The following RAB11FIP4 variants were observed in gnomAD, a reference collection of about 807,000 sequenced individuals.
RAB11FIP4 encodes rab11 family-interacting protein 4.
A neutral mutation model predicts 74.3 loss-of-function variants in RAB11FIP4; 23 were observed. The ratio of observed to expected loss-of-function variants is 0.31; its 90% CI spans 0.22 to 0.44. The LOEUF (loss-of-function observed/expected upper bound fraction) is 0.44, where lower values mean the gene tolerates loss of function less well. Among genes scored for constraint, RAB11FIP4 ranks in the 20% least tolerant of loss-of-function variants. RAB11FIP4 has a pLI of 1.00. For missense variants in RAB11FIP4, 630 were observed against 863.9 expected, an observed-to-expected ratio of 0.73 and a Z score of 3.39; for synonymous variants, 360 against 359.9, an observed-to-expected ratio of 1.00 and a Z score of 0.00.
intron 3 of RAB11FIP4, among the ~76,000 whole-genome samples, chr17:31,477,702 G>A (rs1240303450): frequency 6.6e-6 from 1 of 152,206 alleles, no homozygotes; most frequent in Non-Finnish European, 1.5e-5. Context: ...GTTCTATGAT[G>A]GTTACTTTGG....
At chr17:31,403,312 ATTTC>A (rs1232829130) in intron 1 of RAB11FIP4, among the ~76,000 whole-genome samples, 6 of 150,712 alleles carry the variant, frequency 4.0e-5, no homozygotes, top group East Asian at 2.0e-4. Context: ...CTGCCTTTGT[ATTTC>A]TTTCTTTCTT....
At chr17:31,528,057 TATTTCTGA>T (rs2072799097) in intron 11 of RAB11FIP4, 134 bp downstream of exon 11, 3 of 706,824 alleles carry the variant, frequency 4.2e-6, no homozygotes, top group South Asian at 4.0e-5. Context: ...TGTGTTTCTG[TATTTCTGA>T]TTTTCCAAGT....
intron 1 of RAB11FIP4, among the ~76,000 whole-genome samples, chr17:31,427,402 G>C (rs1490205910): frequency 6.6e-6 from 1 of 152,192 alleles, no homozygotes; most frequent in South Asian, 2.1e-4. Context: ...GGACCATGCA[G>C]TGGCCCTCAG....
At chr17:31,488,296 C>A in intron 3 of RAB11FIP4, 1 of 1,173,722 alleles carries the variant, frequency 8.5e-7, no homozygotes, top group East Asian at 3.8e-5. Flanking sequence ...CCGGGGCTGG[C>A]GCTCGCAGGG....
chr17:31,481,179 G>C (rs774326563), intron 3 of RAB11FIP4, among the ~76,000 whole-genome samples: 10 of 152,210 alleles, frequency 6.6e-5, no homozygotes, highest in Non-Finnish European at 1.0e-4. Context: ...ACTGTTGTCA[G>C]CAAGCCTTTA....
intron 3 of RAB11FIP4, among the ~76,000 whole-genome samples, 154 bp downstream of exon 3, chr17:31,434,276 G>A (rs1387110420): frequency 1.3e-5 from 2 of 152,090 alleles, no homozygotes; most frequent in African/African-American, 2.4e-5. Context: ...TGGAACAGGA[G>A]CCCTGAGTCC....
chr17:31,467,108 C>CTTTTA (rs1341201970), intron 3 of RAB11FIP4, among the ~76,000 whole-genome samples: 1 of 151,442 alleles, frequency 6.6e-6, no homozygotes, highest in Non-Finnish European at 1.5e-5. Context: ...TCTTTCTTTT[C>CTTTTA]TTTTCTTTTC....
At chr17:31,471,884 C>T (rs1324039501) in intron 3 of RAB11FIP4, among the ~76,000 whole-genome samples, 1 of 151,946 alleles carries the variant, frequency 6.6e-6, no homozygotes, top group Non-Finnish European at 1.5e-5. Context: ...GTCACGGGGC[C>T]GGGCGCAGTG....
intron 3 of RAB11FIP4, among the ~76,000 whole-genome samples, chr17:31,516,907 A>G (rs2072562681): frequency 6.6e-6 from 1 of 152,040 alleles, no homozygotes; most frequent in Admixed American, 6.6e-5. Context: ...ACCCTATGTA[A>G]ATGAAGTAGT....
chr17:31,445,824 C>T (rs889172202), intron 3 of RAB11FIP4, among the ~76,000 whole-genome samples: 6 of 150,888 alleles, frequency 4.0e-5, no homozygotes, highest in African/African-American at 9.7e-5. Context: ...CTCCTGACCT[C>T]GTGATCCACC....
In RAB11FIP4 at chr17:31,440,494, T is replaced by G. The variant is rs185184317; in HGVS notation, c.336+6372T>G. On this transcript the variant is annotated intron_variant, in intron 3 of 14. Transcript: ENST00000621161. ...TGTTTCTTTAACCTTTAAGGCCAGG[T>G]GCGGTGGCTCATGCCTGTAATCCCA... is the stretch of plus-strand genomic sequence containing the variant. Among the ~76,000 whole-genome samples the G allele has an allele frequency of 3.7e-3, 561 of 152,302 alleles. 4 individuals carry two copies. The highest frequency in any genetic ancestry group is 0.013 in the African/African-American group (532 of 41,574).
chr17:31,413,389 G>C (rs1050469970), intron 1 of RAB11FIP4, among the ~76,000 whole-genome samples: 4 of 152,098 alleles, frequency 2.6e-5, no homozygotes, highest in African/African-American at 9.7e-5. Context: ...TGTCAACAGA[G>C]GGCCTCACAC....
rs571365900 is a variant in RAB11FIP4, at chr17:31,514,786, C to T, written c.337-2865C>T. ...CTGCCTTGTTTCTCTTAGGTGTCCC[C>T]GCACTAACCTGCAGTGTCCTGTGAG... On this transcript the variant is annotated intron_variant, in intron 3 of 14. Coordinates refer to ENST00000621161, the MANE Select transcript of RAB11FIP4 (RefSeq NM_032932.6). Among the ~76,000 whole-genome samples the T allele has an allele frequency of 4.6e-5, 7 of 152,336 alleles. No individual in the cohort carries two copies. The South Asian group carries it at 8.3e-4, about 18-fold the overall frequency.
chr17:31,528,262 A>G (rs1365645892), intron 11 of RAB11FIP4, 144 bp from the exon 12 acceptor site: 1 of 955,980 alleles, frequency 1.0e-6, no homozygotes, highest in Non-Finnish European at 1.5e-6. Context: ...TCTGTAAGCC[A>G]AGACTCAGGG....
chr17:31,486,170 G>GT (rs2142743710), intron 3 of RAB11FIP4, among the ~76,000 whole-genome samples: 1 of 152,194 alleles, frequency 6.6e-6, no homozygotes, highest in South Asian at 2.1e-4. Context: ...GGAGGCGGAG[G>GT]TTGCAGTGAG....
chr17:31,457,706 C>T (rs556085610), intron 3 of RAB11FIP4, among the ~76,000 whole-genome samples: 17 of 151,974 alleles, frequency 1.1e-4, no homozygotes, highest in African/African-American at 2.9e-4. Context: ...CCCCCAGCCC[C>T]GCAGGTGGCC....
In RAB11FIP4 at chr17:31,391,875, C is replaced by A. The variant is rs2151610196; in HGVS notation, c.23C>A (p.Ser8Ter). The change falls in exon 1 of 15, where the codon TCG becomes TAG. Residue 8 changes from serine to a stop codon, truncating the protein, a stop_gained. Coordinates refer to ENST00000621161, the MANE Select transcript of RAB11FIP4 (RefSeq NM_032932.6). LOFTEE classifies it high-confidence loss of function. ...CGGATGGCGGGCGGCGCGGGCTGGT[C>A]GGGCGCCCCCGCGGCTCTGCTGCGC... MAGGAGW[S>*]GAPAALLRSV... The A allele has an allele frequency of 2.5e-6, 3 of 1,178,748 alleles. No individual in the cohort carries two copies. Among genetic ancestry groups the A allele is most frequent in the South Asian group, 7.9e-5 (2 of 25,328 alleles). 73.0% of individuals were successfully genotyped at this position (1,178,748 alleles called of 1,614,324 possible). A position where few individuals can be genotyped will look rare whatever the true frequency, so the allele number is the denominator to read the frequency against.
At chr17:31,433,658 C>T (rs1178328122) in intron 2 of RAB11FIP4, among the ~76,000 whole-genome samples, 2 of 152,116 alleles carry the variant, frequency 1.3e-5, no homozygotes, top group African/African-American at 2.4e-5. Flanking sequence ...CGCCCAGCCT[C>T]GGAGGAATGG....
At chr17:31,411,547 G>A (rs181470317) in intron 1 of RAB11FIP4, among the ~76,000 whole-genome samples, 13 of 152,298 alleles carry the variant, frequency 8.5e-5, no homozygotes, top group Admixed American at 2.0e-4. Flanking sequence ...GGTGCCACAC[G>A]CCTGAGTCCT....
Sources: allele counts gnomAD v4.1 joint callset (sites outside exome capture counted in the v4.1 genomes callset), GRCh38; gene constraint gnomAD v4.1.1; transcripts MANE v1.5; gene names NCBI Gene and HGNC (gene_info 2026-07-23, HGNC 2026-07-21).